Variants in XKRX observed in about 807,000 individuals in gnomAD.
The protein encoded by XKRX is XK-related protein 2.
A neutral mutation model predicts 22.4 loss-of-function variants in XKRX; 11 were observed. The observed-to-expected ratio is 0.49, with a 90% CI of 0.31 to 0.81. The LOEUF (loss-of-function observed/expected upper bound fraction) is 0.81. Ranked by LOEUF, XKRX falls within the 40% of genes least tolerant of loss-of-function variation. The pLI, the probability that XKRX is intolerant of heterozygous loss-of-function variation, is 0.05. For synonymous variants in XKRX, 114 were observed against 132.2 expected (o/e 0.86, Z 0.94); for missense variants, 320 against 336.5 (o/e 0.95, Z 0.38).
chrX:100,937,547 C>T, the XKRX span, among the ~76,000 whole-genome samples: 4 of 111,733 alleles, frequency 3.6e-5, no homozygotes, highest in South Asian at 1.1e-3. Flanking sequence ...GACTATACTT[C>T]GAGAAAAACT....
the XKRX span, among the ~76,000 whole-genome samples, chrX:100,943,778 C>T: frequency 8.9e-6 from 1 of 112,025 alleles, no homozygotes; most frequent in Non-Finnish European, 1.9e-5. Context: ...ATTTTAACTG[C>T]TGCATGGAAT....
the XKRX span, among the ~76,000 whole-genome samples, chrX:100,946,334 C>T: frequency 1.8e-5 from 2 of 111,829 alleles, no homozygotes; most frequent in African/African-American, 6.5e-5. Context: ...GAAAGCACTG[C>T]AAGAGCCTAC....
the XKRX span, among the ~76,000 whole-genome samples, chrX:100,894,969 C>G: frequency 8.9e-6 from 1 of 112,065 alleles, no homozygotes; most frequent in South Asian, 3.7e-4. Context: ...CAAATAATAA[C>G]TAATCACTCC....
the XKRX span, among the ~76,000 whole-genome samples, chrX:100,891,605 T>C: frequency 2.7e-5 from 3 of 109,617 alleles, no homozygotes; most frequent in Admixed American, 9.9e-5. Flanking sequence ...ATAAATGATT[T>C]TGGGGGCCAG....
chrX:100,911,411 A>C, downstream of XKRX: 1 of 814,593 alleles, frequency 1.2e-6, no homozygotes, highest in Non-Finnish European at 1.9e-6. Flanking sequence ...GCAAAGAGGC[A>C]AAGTTATTTG....
chrX:100,933,666 C>T (rs2085527950), upstream of XKRX, among the ~76,000 whole-genome samples: 1 of 110,069 alleles, frequency 9.1e-6, no homozygotes. Flanking sequence ...TCCCTGCAGC[C>T]CTCACCCCTA....
chrX:100,927,898 A>T (rs113017023), intron 1 of XKRX, 72 bp downstream of exon 1: 60 of 1,093,083 alleles, frequency 5.5e-5, no homozygotes, highest in African/African-American at 5.4e-4. Flanking sequence ...CATCTTGTAA[A>T]TCTTTCATCT....
chrX:100,901,626 T>G, the XKRX span, among the ~76,000 whole-genome samples: 1 of 112,166 alleles, frequency 8.9e-6, no homozygotes, highest in Non-Finnish European at 1.9e-5. Flanking sequence ...CAATTTGACC[T>G]AATGGACATT....
At chrX:100,896,695 C>A in the XKRX span, among the ~76,000 whole-genome samples, 2 of 111,331 alleles carry the variant, frequency 1.8e-5, no homozygotes, top group African/African-American at 6.5e-5. Context: ...CCAGGCACAG[C>A]GGCTCACGCC....
At chrX:100,945,084 CT>C in the XKRX span, among the ~76,000 whole-genome samples, 46 of 103,513 alleles carry the variant, frequency 4.4e-4, no homozygotes, top group African/African-American at 3.8e-4. Context: ...TTTTGTTTTT[CT>C]TTTTTTTTTT....
At chrX:100,912,453 G>A (rs999370241), downstream of XKRX, among the ~76,000 whole-genome samples, 2 of 111,834 alleles carry the variant, frequency 1.8e-5, no homozygotes, top group African/African-American at 6.5e-5. Flanking sequence ...CAAGAAATAA[G>A]ATACTTTGGT....
At chrX:100,955,106 C>A in the XKRX span, among the ~76,000 whole-genome samples, 1 of 111,697 alleles carries the variant, frequency 9.0e-6, no homozygotes, top group African/African-American at 3.3e-5. Flanking sequence ...AAAAATGCGG[C>A]CTGCTTCCTG....
At chrX:100,897,593 A>ATATGTGTGTGTG in the XKRX span, among the ~76,000 whole-genome samples, 5 of 66,460 alleles carry the variant, frequency 7.5e-5, no homozygotes, top group African/African-American at 3.0e-4. Flanking sequence ...AAATATATAT[A>ATATGTGTGTGTG]TGTGTGTGTG....
intron 2 of XKRX, among the ~76,000 whole-genome samples, chrX:100,917,671 A>AAGAAAG: frequency 2.3e-5 from 1 of 42,989 alleles, no homozygotes; most frequent in African/African-American, 1.0e-4. Flanking sequence ...GAAAGAAAGA[A>AAGAAAG]AGAAAAGAAA....
At chrX:100,916,159 G>A (rs1353516251) in intron 2 of XKRX, among the ~76,000 whole-genome samples, 1 of 109,615 alleles carries the variant, frequency 9.1e-6, no homozygotes, top group African/African-American at 3.3e-5. Flanking sequence ...AATTAGTTTG[G>A]TTGTGGTAAT....
At chrX:100,933,500 A>AG (rs1377224081), upstream of XKRX, among the ~76,000 whole-genome samples, 1 of 108,927 alleles carries the variant, frequency 9.2e-6, no homozygotes, top group Admixed American at 9.9e-5. Context: ...AAAAAAAAAA[A>AG]CAGAATGCAA....
chrX:100,924,974 T>A (rs1026069062), intron 1 of XKRX, among the ~76,000 whole-genome samples: 1 of 111,762 alleles, frequency 8.9e-6, no homozygotes, highest in East Asian at 2.8e-4. Context: ...GCATGTAGTT[T>A]GAAATTGTCA....
the XKRX span, among the ~76,000 whole-genome samples, chrX:100,899,971 A>G: frequency 8.9e-6 from 1 of 112,191 alleles, no homozygotes; most frequent in African/African-American, 3.2e-5. Context: ...CTCAGCCATC[A>G]TTTTTGCAGA....
At chrX:100,894,224 G>A in the XKRX span, among the ~76,000 whole-genome samples, 2 of 111,592 alleles carry the variant, frequency 1.8e-5, no homozygotes, top group African/African-American at 6.5e-5. Context: ...CCAAGATTGC[G>A]GCACTGCACT....
Sources: gnomAD v4.1 joint callset for allele counts (sites outside exome capture counted in the v4.1 genomes callset) on GRCh38, gnomAD v4.1.1 for gene constraint, MANE v1.5 for transcripts, NCBI Gene and HGNC (gene_info 2026-07-23, HGNC 2026-07-21) for gene names.